The following KIAA1549 variants were observed in gnomAD, a reference collection of about 807,000 sequenced individuals.
The protein encoded by KIAA1549 is UPF0606 protein KIAA1549.
In KIAA1549, 70 loss-of-function variants were observed where a neutral mutation model predicts 156.4. That is an observed-to-expected ratio of 0.45 (90% CI 0.37 to 0.55). KIAA1549 has a LOEUF of 0.55. Among genes scored for constraint, KIAA1549 ranks in the 20% least tolerant of loss-of-function variants. The pLI is 0.00. For missense variants in KIAA1549, 2,428 were observed against 2,540.9 expected (o/e 0.96, Z 0.96); for synonymous variants, 1,103 against 1,066.4 (o/e 1.03, Z -0.67).
rs2130367133 is a variant in KIAA1549 at position 138,861,544 on chromosome 7, T to C, written c.4930-88A>G. ...TTCCTGACATTGAGGAAAAGTTCTATCATAAGAATTAAAAAATGACAGTTG... is the reference window on the plus strand; with the variant it reads ...TTCCTGACATTGAGGAAAAGTTCTACCATAAGAATTAAAAAATGACAGTTG... On this transcript the variant is annotated intron_variant, in intron 15 of 19. Transcript: ENST00000422774. 6.6e-6 allele frequency: 7 copies of C among 1,061,074 alleles called. No individual in the cohort carries two copies. In the East Asian group the frequency reaches 1.0e-4, roughly 16 times the overall value. 65.7% of individuals were successfully genotyped at this position (1,061,074 alleles called of 1,614,324 possible).
At chr7:138,959,275 G>C (rs1043948771) in intron 1 of KIAA1549, among the ~76,000 whole-genome samples, 6 of 152,054 alleles carry the variant, frequency 3.9e-5, no homozygotes, top group African/African-American at 1.4e-4. Context: ...TAAACATCAA[G>C]ACTTAAATAG....
At chr7:138,878,040 CCTGT>C (rs1194626335) in intron 12 of KIAA1549, among the ~76,000 whole-genome samples, 3 of 152,212 alleles carry the variant, frequency 2.0e-5, no homozygotes, top group African/African-American at 7.2e-5. Flanking sequence ...AGATTCTAAT[CCTGT>C]CTATCTGAAA....
intron 1 of KIAA1549, among the ~76,000 whole-genome samples, chr7:138,919,960 G>A (rs1175206355): frequency 6.6e-6 from 1 of 152,150 alleles, no homozygotes; most frequent in East Asian, 1.9e-4. Context: ...ACCCAAGTAA[G>A]AGAGTTCCCC....
rs547551120 is a variant in KIAA1549 at position 138,921,757 on chromosome 7, C to T, written c.188-2319G>A. 8.5e-5 allele frequency among the ~76,000 whole-genome samples: 13 copies of T among 152,140 alleles called. No homozygotes were observed. The East Asian group carries it at 1.2e-3, about 14-fold the overall frequency. On this transcript the variant is annotated intron_variant, in intron 1 of 19. Coordinates refer to ENST00000422774, the MANE Select transcript of KIAA1549 (RefSeq NM_001164665.2). The stretch of plus-strand genomic sequence containing the variant: ...GCACACACCTGTCATCCCAGCTACT[C>T]AGGAGGCTGAGGCAGGAGAATCGCT...
chr7:138,902,994 A>G (rs927069173), intron 8 of KIAA1549, among the ~76,000 whole-genome samples: 4 of 152,108 alleles, frequency 2.6e-5, no homozygotes, highest in African/African-American at 9.7e-5. Flanking sequence ...TTCTTTACAC[A>G]TTTTTTAATG....
chr7:138,844,518 T>C, intron 17 of KIAA1549, 44 bp from the exon 18 acceptor site: 1 of 1,468,626 alleles, frequency 6.8e-7, no homozygotes. Flanking sequence ...CACTGCACCC[T>C]GGCCTTGGTA....
At position 138,981,218 on chromosome 7, in the gene KIAA1549, G is replaced by C. The variant is rs1311170771; in HGVS notation, c.52C>G (p.Arg18Gly). ...CCCGGGGCCAGCGCGACCCCGGCGC[G>C]GGGCTTCCCCTCCATGGCCGCGCCT... ...RRGAAMEGKP[R>G]AGVALAPGPS... Residue 18 changes from arginine to glycine, a missense_variant, in exon 1 of 20, where the codon CGC becomes GGC. Transcript: ENST00000422774. This position sits in a 1 kb window ranked among gnomAD's most constrained non-coding sequence, Gnocchi z 4.5. The C allele has an allele frequency of 3.0e-6, 3 of 1,010,224 alleles. No homozygotes were observed. Among genetic ancestry groups the C allele is most frequent in the Middle Eastern group, 4.9e-4 (1 of 2,046 alleles). The allele number at this position is 1,010,224 out of a possible 1,614,324, so 62.6% of individuals were successfully genotyped here.
At chr7:138,888,581 C>T (rs1811463583) in intron 10 of KIAA1549, among the ~76,000 whole-genome samples, 1 of 152,242 alleles carries the variant, frequency 6.6e-6, no homozygotes, top group Admixed American at 6.5e-5. Flanking sequence ...AAACCCCACA[C>T]TTACTAGTCG....
chr7:138,977,622 C>A (rs1025522442), intron 1 of KIAA1549, among the ~76,000 whole-genome samples: 2 of 151,552 alleles, frequency 1.3e-5, no homozygotes. Context: ...TAATCACACT[C>A]TAATACCCCT....
chr7:138,967,315 G>A (rs1814057856), intron 1 of KIAA1549, among the ~76,000 whole-genome samples: 1 of 152,194 alleles, frequency 6.6e-6, no homozygotes, highest in African/African-American at 2.4e-5. Flanking sequence ...GAATTACGGA[G>A]GCGGTTGCTA....
chr7:138,950,597 A>G (rs545084705), intron 1 of KIAA1549, among the ~76,000 whole-genome samples: 34 of 152,252 alleles, frequency 2.2e-4, no homozygotes, highest in Non-Finnish European at 4.1e-4. Flanking sequence ...TTTATCTTCC[A>G]TGCTCAGGGC....
intron 14 of KIAA1549, among the ~76,000 whole-genome samples, chr7:138,868,988 T>A (rs564348554): frequency 4.6e-5 from 7 of 152,182 alleles, no homozygotes; most frequent in African/African-American, 1.7e-4. Context: ...AAGACATACA[T>A]GAGAGCCGTG....
chr7:138,964,109 T>C (rs1438480269), intron 1 of KIAA1549, among the ~76,000 whole-genome samples: 2 of 152,236 alleles, frequency 1.3e-5, no homozygotes, highest in Non-Finnish European at 2.9e-5. Flanking sequence ...TCATTTCTCT[T>C]AACCTACGTT....
At chr7:138,862,859 G>A (rs1810628196) in intron 15 of KIAA1549, among the ~76,000 whole-genome samples, 1 of 152,178 alleles carries the variant, frequency 6.6e-6, no homozygotes, top group South Asian at 2.1e-4. Flanking sequence ...GAACCCAGGA[G>A]GCAGAGGTTG....
At chr7:138,872,062 T>C (rs1185812587) in intron 12 of KIAA1549, among the ~76,000 whole-genome samples, 1 of 152,212 alleles carries the variant, frequency 6.6e-6, no homozygotes, top group African/African-American at 2.4e-5. Context: ...TGCCTCAGCC[T>C]CCTGAGTAGC....
At chr7:138,891,715 A>C (rs1811552660) in intron 10 of KIAA1549, among the ~76,000 whole-genome samples, 1 of 152,046 alleles carries the variant, frequency 6.6e-6, no homozygotes, top group Non-Finnish European at 1.5e-5. Context: ...AGGATTTCCG[A>C]GAGTATGGTG....
chr7:138,916,333 T>C (rs1028362581), intron 2 of KIAA1549, among the ~76,000 whole-genome samples: 1 of 152,276 alleles, frequency 6.6e-6, no homozygotes, highest in African/African-American at 2.4e-5. Flanking sequence ...TACTGGGTTA[T>C]GGTAGGACAA....
At chr7:138,864,139 C>T (rs905664387) in intron 15 of KIAA1549, among the ~76,000 whole-genome samples, 1 of 152,170 alleles carries the variant, frequency 6.6e-6, no homozygotes, top group Non-Finnish European at 1.5e-5. Context: ...GGCGGTGATT[C>T]CGGTGGCTGC....
intron 14 of KIAA1549, among the ~76,000 whole-genome samples, chr7:138,869,048 G>A (rs1810840508): frequency 6.6e-6 from 1 of 152,210 alleles, no homozygotes. Context: ...GAGACCAGGG[G>A]AAGGTAAGAC....
Sources: allele counts gnomAD v4.1 joint callset (sites outside exome capture counted in the v4.1 genomes callset), GRCh38; gene constraint gnomAD v4.1.1; non-coding constraint Gnocchi (gnomAD v3.1); transcripts MANE v1.5; gene names NCBI Gene and HGNC (gene_info 2026-07-23, HGNC 2026-07-21).